Variants in PCDH15 observed in about 807,000 individuals in gnomAD.
The protein encoded by PCDH15 is protocadherin-15.
PCDH15 carries 129 observed loss-of-function variants against 178.5 expected under a neutral mutation model. That is an observed-to-expected ratio of 0.72 (90% CI 0.63 to 0.84). The LOEUF is 0.84. PCDH15 is among the 40% of genes least tolerant of loss of function. The pLI is 0.00. For synonymous variants in PCDH15, 800 were observed against 732.0 expected (o/e 1.09, Z -1.50); for missense variants, 2,230 against 2,099.9 (o/e 1.06, Z -1.21).
intron 1 of PCDH15, among the ~76,000 whole-genome samples, chr10:55,229,240 AT>A (rs953531663): frequency 6.6e-6 from 1 of 151,898 alleles, no homozygotes; most frequent in African/African-American, 2.4e-5. Flanking sequence ...GTAAGGTATT[AT>A]TTGAAAAAAA....
intron 1 of PCDH15, among the ~76,000 whole-genome samples, chr10:54,774,086 T>C (rs1038420777): frequency 2.2e-5 from 3 of 136,262 alleles, no homozygotes; most frequent in South Asian, 2.5e-4. Flanking sequence ...TGGAGTGCAG[T>C]GGCGCGGTCT....
intron 3 of PCDH15, among the ~76,000 whole-genome samples, chr10:54,437,771 C>A (rs1219467751): frequency 1.3e-5 from 2 of 152,142 alleles, no homozygotes; most frequent in Non-Finnish European, 2.9e-5. Flanking sequence ...ATATACTAAT[C>A]CAATCAATCA....
chr10:55,064,347 C>A (rs974445327), intron 2 of PCDH15, among the ~76,000 whole-genome samples: 1 of 152,068 alleles, frequency 6.6e-6, no homozygotes, highest in African/African-American at 2.4e-5. Context: ...GATTATCTGA[C>A]ATCCTGTAGA....
chr10:54,392,246 C>T (rs1222065083), intron 3 of PCDH15, among the ~76,000 whole-genome samples: 1 of 151,554 alleles, frequency 6.6e-6, no homozygotes, highest in African/African-American at 2.4e-5. Context: ...AGGTGGATCT[C>T]CTGAGGCCAG....
intron 2 of PCDH15, among the ~76,000 whole-genome samples, chr10:54,908,820 C>G (rs986755678): frequency 1.3e-5 from 2 of 151,544 alleles, no homozygotes; most frequent in Non-Finnish European, 2.9e-5. Context: ...TAGCTCCTTT[C>G]CGTTAGGCAG....
intron 1 of PCDH15, among the ~76,000 whole-genome samples, chr10:55,315,692 G>A (rs1843707103): frequency 6.6e-6 from 1 of 152,032 alleles, no homozygotes. Flanking sequence ...TACTTCTCAG[G>A]AGTAATGAAG....
chr10:54,129,463 C>T (rs897415617), intron 15 of PCDH15, among the ~76,000 whole-genome samples: 4 of 152,072 alleles, frequency 2.6e-5, no homozygotes, highest in East Asian at 1.9e-4. Context: ...GAAGTAGAAA[C>T]GATGAAAAGC....
chr10:55,523,703 G>A (rs1841237373), intron 2 of PCDH15, among the ~76,000 whole-genome samples: 1 of 151,494 alleles, frequency 6.6e-6, no homozygotes, highest in African/African-American at 2.4e-5. Flanking sequence ...ATTTCCATGA[G>A]TTCAACCTTA....
chr10:54,775,672 C>T (rs11004568), intron 1 of PCDH15, among the ~76,000 whole-genome samples: 31,745 of 151,934 alleles, frequency 0.21, 3,774 homozygotes, highest in East Asian at 0.45. Context: ...CCGAGGCGGG[C>T]GGATCACGAG....
intron 5 of PCDH15, among the ~76,000 whole-genome samples, chr10:54,347,922 T>C (rs9415305): frequency 0.046 from 6,997 of 151,962 alleles, 527 homozygotes; most frequent in African/African-American, 0.16. Context: ...GGTCTCGGCT[T>C]ACTGCAAGCT....
chr10:53,915,273 T>A (rs1410938236), intron 25 of PCDH15, among the ~76,000 whole-genome samples: 1 of 152,186 alleles, frequency 6.6e-6, no homozygotes, highest in African/African-American at 2.4e-5. Flanking sequence ...ATTAACTGTA[T>A]TAGCATGAGA....
chr10:54,713,230 C>T (rs113413388), intron 1 of PCDH15, among the ~76,000 whole-genome samples: 4,310 of 125,816 alleles, frequency 0.034, 173 homozygotes, highest in African/African-American at 0.097. Context: ...CACACATACA[C>T]ACACACATAC....
At chr10:54,639,863 AC>A (rs1285561821) in intron 2 of PCDH15, among the ~76,000 whole-genome samples, 1 of 152,168 alleles carries the variant, frequency 6.6e-6, no homozygotes, top group East Asian at 1.9e-4. Context: ...AACAAAAAAG[AC>A]TAATGAAACA....
At chr10:54,161,348 A>G (rs1050028453) in intron 13 of PCDH15, among the ~76,000 whole-genome samples, 3 of 152,208 alleles carry the variant, frequency 2.0e-5, no homozygotes, top group African/African-American at 7.2e-5. Flanking sequence ...CTAGACAAGG[A>G]AAACTTTTAG....
intron 1 of PCDH15, among the ~76,000 whole-genome samples, chr10:55,214,160 T>A (rs893167970): frequency 1.3e-5 from 2 of 152,058 alleles, no homozygotes; most frequent in Non-Finnish European, 2.9e-5. Context: ...ACTGGTTTTA[T>A]CACTTTATAT....
chr10:54,509,789 T>C (rs1464456600), intron 3 of PCDH15, among the ~76,000 whole-genome samples: 1 of 152,178 alleles, frequency 6.6e-6, no homozygotes, highest in East Asian at 1.9e-4. Flanking sequence ...AATATCCTCT[T>C]CATCAATACC....
intron 2 of PCDH15, among the ~76,000 whole-genome samples, chr10:55,558,600 G>A (rs1842135659): frequency 6.6e-6 from 1 of 152,030 alleles, no homozygotes; most frequent in Non-Finnish European, 1.5e-5. Context: ...CATACAATTA[G>A]TGTGCATTAC....
intron 1 of PCDH15, among the ~76,000 whole-genome samples, chr10:55,309,481 C>T (rs1290564897): frequency 6.6e-6 from 1 of 150,660 alleles, no homozygotes; most frequent in Non-Finnish European, 1.5e-5. Context: ...CATGCCACTG[C>T]ACTACTCTCA....
chr10:54,789,629 T>C (rs761778044), intron 1 of PCDH15, among the ~76,000 whole-genome samples: 12 of 151,924 alleles, frequency 7.9e-5, no homozygotes, highest in African/African-American at 1.2e-4. Context: ...AGTAAGCATA[T>C]TGATGTTTAA....
Sources: allele counts gnomAD v4.1 joint callset (sites outside exome capture counted in the v4.1 genomes callset), GRCh38; gene constraint gnomAD v4.1.1; transcripts MANE v1.5; gene names NCBI Gene and HGNC (gene_info 2026-07-23, HGNC 2026-07-21).